The following NR2C2 variants were observed in gnomAD, a reference collection of about 807,000 sequenced individuals.
NR2C2 encodes the protein Nuclear hormone receptor TR4.
NR2C2 carries 6 observed loss-of-function variants against 62.9 expected under a neutral mutation model. The observed-to-expected ratio is 0.10, with a 90% CI of 0.05 to 0.19. The LOEUF (loss-of-function observed/expected upper bound fraction) is 0.19, where lower values mean the gene tolerates loss of function less well. Ranked by LOEUF, NR2C2 falls within the 10% of genes least tolerant of loss-of-function variation. The probability of loss-of-function intolerance (pLI) is 1.00; values close to 1 mark genes in which losing one functional copy is unlikely to be tolerated. For missense variants in NR2C2, 479 were observed against 762.7 expected, an observed-to-expected ratio of 0.63 and a Z score of 4.38; for synonymous variants, 272 against 273.8, an observed-to-expected ratio of 0.99 and a Z score of 0.07.
chr3:14,991,024 A>G (rs1001298914), intron 1 of NR2C2, among the ~76,000 whole-genome samples: 1 of 152,134 alleles, frequency 6.6e-6, no homozygotes, highest in African/African-American at 2.4e-5. Context: ...TAAATATCTC[A>G]TTGTTTTACA....
intron 7 of NR2C2, chr3:15,025,921 C>T (rs1002487131): frequency 2.0e-5 from 3 of 152,302 alleles, no homozygotes; most frequent in African/African-American, 7.2e-5. Context: ...CTGTTTATGA[C>T]CTTTTCTACT....
chr3:14,972,153 CT>C (rs796832550), intron 1 of NR2C2, among the ~76,000 whole-genome samples: 229 of 138,820 alleles, frequency 1.6e-3, no homozygotes, highest in African/African-American at 5.7e-3. Flanking sequence ...CATTCTCTCT[CT>C]TTTTTTTTTC....
intron 1 of NR2C2, chr3:14,948,619 G>A (rs1030012897): frequency 2.0e-5 from 3 of 152,946 alleles, no homozygotes; most frequent in African/African-American, 4.8e-5. Context: ...GGGCGCGAGG[G>A]GCGCGGCCGG....
chr3:14,951,745 T>A (rs970255598), intron 1 of NR2C2, among the ~76,000 whole-genome samples: 1 of 151,304 alleles, frequency 6.6e-6, no homozygotes, highest in Non-Finnish European at 1.5e-5. Flanking sequence ...CTGGAAGTTT[T>A]TTTTGTGTGT....
At chr3:15,017,409 A>T (rs1176929485) in intron 4 of NR2C2, among the ~76,000 whole-genome samples, 1 of 152,162 alleles carries the variant, frequency 6.6e-6, no homozygotes, top group African/African-American at 2.4e-5. Flanking sequence ...TTCACTCTTT[A>T]CAGGCCTGTC....
At chr3:14,953,756 G>C (rs60539694) in intron 1 of NR2C2, among the ~76,000 whole-genome samples, 6 of 151,980 alleles carry the variant, frequency 3.9e-5, no homozygotes, top group African/African-American at 9.7e-5. Context: ...TTAGCTGGGC[G>C]TGGTGGCAGG....
intron 7 of NR2C2, 37 bp from the exon 8 acceptor site, chr3:15,028,549 G>T (rs1313307653): frequency 6.3e-7 from 1 of 1,596,608 alleles, no homozygotes; most frequent in East Asian, 2.2e-5. Flanking sequence ...TTGCGTATCT[G>T]TGTTCATTTT....
chr3:14,961,798 T>C (rs553083226), intron 1 of NR2C2, among the ~76,000 whole-genome samples: 2 of 152,184 alleles, frequency 1.3e-5, no homozygotes, highest in African/African-American at 4.8e-5. Flanking sequence ...TCTGGTTTTG[T>C]AATTTAATGA....
chr3:14,998,118 A>G (rs1332513013), intron 1 of NR2C2, among the ~76,000 whole-genome samples: 1 of 152,238 alleles, frequency 6.6e-6, no homozygotes, highest in African/African-American at 2.4e-5. Context: ...TTTTATTGCC[A>G]AATAATACTC....
intron 1 of NR2C2, among the ~76,000 whole-genome samples, chr3:14,975,596 T>C (rs1250197983): frequency 6.6e-6 from 1 of 152,218 alleles, no homozygotes; most frequent in East Asian, 1.9e-4. Context: ...TTTTTTAATA[T>C]GCTGCTGAAT....
At chr3:14,983,346 A>G (rs886896162) in intron 1 of NR2C2, among the ~76,000 whole-genome samples, 1 of 151,852 alleles carries the variant, frequency 6.6e-6, no homozygotes, top group Admixed American at 6.6e-5. Context: ...AGATGATCAT[A>G]TGATTTCTCT....
Position 15,039,234 on chromosome 3 carries a change from CA to C in NR2C2, c.1616+8del. On this transcript the variant is annotated splice_region_variant and intron_variant, in intron 13 of 13. Coordinates refer to ENST00000425241, the MANE Select transcript of NR2C2 (RefSeq NM_001291694.2). ...ACTCAGAAGACACCTACCGGTGAGG[CA>C]TTCAGGCATATGCGCTCTTGCTTGG... 1.3e-6 allele frequency: 2 copies of C among 1,582,226 alleles called. No individual in the cohort carries two copies. The highest frequency in any genetic ancestry group is 1.7e-6 in the Non-Finnish European group (2 of 1,150,916).
intron 2 of NR2C2, among the ~76,000 whole-genome samples, chr3:15,008,101 G>A (rs11707570): frequency 0.077 from 11,654 of 152,220 alleles, 594 homozygotes; most frequent in Non-Finnish European, 0.12. Flanking sequence ...GGCACCATGG[G>A]GAGAACTTGA....
At chr3:15,019,961 CTGATT>C (rs1459122173) in intron 4 of NR2C2, among the ~76,000 whole-genome samples, 8 of 152,128 alleles carry the variant, frequency 5.3e-5, no homozygotes, top group African/African-American at 1.9e-4. Context: ...GTCACTCTAT[CTGATT>C]TGATCATTAT....
At chr3:15,020,639 A>C in intron 4 of NR2C2, 114 bp from the exon 5 acceptor site, 1 of 1,186,436 alleles carries the variant, frequency 8.4e-7, no homozygotes, top group Non-Finnish European at 1.2e-6. Context: ...GGCATCTAAC[A>C]GTGTATGGCA....
At chr3:14,990,278 G>A (rs1248598007) in intron 1 of NR2C2, among the ~76,000 whole-genome samples, 1 of 152,196 alleles carries the variant, frequency 6.6e-6, no homozygotes, top group Non-Finnish European at 1.5e-5. Context: ...GTTGAGGAAA[G>A]GTGATCTTTA....
At chr3:14,969,390 G>A (rs796074626) in intron 1 of NR2C2, among the ~76,000 whole-genome samples, 4 of 151,888 alleles carry the variant, frequency 2.6e-5, no homozygotes, top group Admixed American at 6.6e-5. Context: ...CTACAGGCAC[G>A]TGCCACCACA....
Position 15,044,508 on chromosome 3 carries a change from T to C in NR2C2, c.*1500T>C, listed in dbSNP as rs1015621325. ...TCAAACACCCGTAAATTCCCACGGA[T>C]GTGAATATATAGCAAGCTTTTCCTG... On this transcript the variant is annotated 3_prime_UTR_variant, in exon 14 of 14. Transcript: ENST00000425241. The C allele has an allele frequency of 8.5e-5, 13 of 152,298 alleles. No homozygotes were observed. Among genetic ancestry groups the C allele is most frequent in the Admixed American group, 6.5e-4 (10 of 15,306 alleles). 9.4% of individuals were successfully genotyped at this position (152,298 alleles called of 1,614,324 possible).
At chr3:15,025,239 A>G (rs1424816373) in intron 7 of NR2C2, among the ~76,000 whole-genome samples, 1 of 152,226 alleles carries the variant, frequency 6.6e-6, no homozygotes, top group Non-Finnish European at 1.5e-5. Context: ...ATTCACAGCA[A>G]CCATTCTATT....
Sources: gnomAD v4.1 joint callset for allele counts (sites outside exome capture counted in the v4.1 genomes callset) on GRCh38, gnomAD v4.1.1 for gene constraint, MANE v1.5 for transcripts, NCBI Gene and HGNC (gene_info 2026-07-23, HGNC 2026-07-21) for gene names.